GPM6A: variants seen among roughly 807,000 people sequenced by gnomAD.
The protein encoded by GPM6A is neuronal membrane glycoprotein M6-a.
A neutral mutation model predicts 32.1 loss-of-function variants in GPM6A; 7 were observed. The ratio of observed to expected loss-of-function variants is 0.22; its 90% CI spans 0.12 to 0.41. GPM6A has a LOEUF of 0.41. Among genes scored for constraint, GPM6A ranks in the 10% least tolerant of loss-of-function variants. The probability of loss-of-function intolerance (pLI) is 1.00; values close to 1 mark genes in which losing one functional copy is unlikely to be tolerated. For synonymous variants in GPM6A, 130 were observed against 123.4 expected (o/e 1.05, Z -0.35); for missense variants, 235 against 347.2 (o/e 0.68, Z 2.57).
chr4:175,895,195 C>A (rs992725537), intron 1 of GPM6A, among the ~76,000 whole-genome samples: 3 of 152,026 alleles, frequency 2.0e-5, no homozygotes, highest in African/African-American at 7.2e-5. Flanking sequence ...GAGATGCCAC[C>A]AGTGTAGCCA....
intron 1 of GPM6A, among the ~76,000 whole-genome samples, chr4:175,953,487 TTTAA>T (rs1435456136): frequency 2.6e-5 from 4 of 152,198 alleles, no homozygotes; most frequent in Non-Finnish European, 5.9e-5. Flanking sequence ...ATGGCAGGGA[TTTAA>T]TTGATATTTG....
chr4:175,692,504 T>C (rs979311236), intron 2 of GPM6A, among the ~76,000 whole-genome samples: 8 of 152,154 alleles, frequency 5.3e-5, no homozygotes, highest in African/African-American at 1.9e-4. Flanking sequence ...GTTTTTAGTA[T>C]ACCTGTTTTT....
chr4:175,866,195 C>T (rs965060007), intron 1 of GPM6A, among the ~76,000 whole-genome samples: 5 of 152,116 alleles, frequency 3.3e-5, no homozygotes, highest in African/African-American at 1.2e-4. Flanking sequence ...CCCCTTATGC[C>T]GACACATGCA....
chr4:175,950,970 G>C (rs1739788156), intron 1 of GPM6A, among the ~76,000 whole-genome samples: 1 of 152,078 alleles, frequency 6.6e-6, no homozygotes, highest in Non-Finnish European at 1.5e-5. Flanking sequence ...TATAGTATTT[G>C]TAAGACTTTT....
At chr4:175,639,969 T>C (rs561096890) in intron 6 of GPM6A, among the ~76,000 whole-genome samples, 160 bp downstream of exon 6, 1 of 150,432 alleles carries the variant, frequency 6.6e-6, no homozygotes, top group South Asian at 2.1e-4. Flanking sequence ...TTAGTCTTGT[T>C]GTTGACTTAC....
At chr4:175,682,206 G>C (rs945850886) in intron 2 of GPM6A, among the ~76,000 whole-genome samples, 1 of 152,106 alleles carries the variant, frequency 6.6e-6, no homozygotes, top group African/African-American at 2.4e-5. Context: ...GAACTTCAAA[G>C]TGATGATTTA....
At chr4:175,879,969 T>G (rs905803092) in intron 1 of GPM6A, among the ~76,000 whole-genome samples, 1 of 152,204 alleles carries the variant, frequency 6.6e-6, no homozygotes, top group Admixed American at 6.6e-5. Context: ...CCCATGCCTA[T>G]GTCCTGAGTG....
intron 1 of GPM6A, among the ~76,000 whole-genome samples, chr4:175,978,816 C>T (rs1740738796): frequency 6.6e-6 from 1 of 151,346 alleles, no homozygotes; most frequent in Non-Finnish European, 1.5e-5. Flanking sequence ...TTTAAAAGCT[C>T]TCTAAGTGAG....
At chr4:175,892,370 G>A (rs1017221097) in intron 1 of GPM6A, among the ~76,000 whole-genome samples, 2 of 151,910 alleles carry the variant, frequency 1.3e-5, no homozygotes, top group African/African-American at 2.4e-5. Flanking sequence ...GTCATTATTT[G>A]TGCTTTCTTC....
chr4:175,759,393 T>G (rs926874263), intron 1 of GPM6A, among the ~76,000 whole-genome samples: 2 of 152,184 alleles, frequency 1.3e-5, no homozygotes, highest in African/African-American at 4.8e-5. Flanking sequence ...AATAAGAGGT[T>G]AAACTGTAAA....
At chr4:175,730,542 C>T (rs922088724) in intron 1 of GPM6A, among the ~76,000 whole-genome samples, 3 of 151,838 alleles carry the variant, frequency 2.0e-5, no homozygotes, top group African/African-American at 4.8e-5. Context: ...GCGATCTCGG[C>T]TCACTGCAAG....
chr4:175,722,887 T>TAAA lies in GPM6A; in HGVS notation c.38-21123_38-21121dup, dbSNP rs33929858. ...GGCAAAACTGTCTTTACAAAGAAAT[T>TAAA]AAAAAAAAAAAATGAGCTGGGCATG... On this transcript the variant is annotated intron_variant, in intron 1 of 6. Coordinates refer to ENST00000393658, the MANE Select transcript of GPM6A (RefSeq NM_201591.3). 8.9e-3 allele frequency among the ~76,000 whole-genome samples: 1,324 copies of TAAA among 148,330 alleles called. 55 individuals are homozygous for TAAA. The highest frequency in any genetic ancestry group is 0.077 in the Admixed American group (1,143 of 14,908).
intron 1 of GPM6A, among the ~76,000 whole-genome samples, chr4:175,938,490 T>G (rs575293717): frequency 1.4e-4 from 22 of 152,294 alleles, no homozygotes; most frequent in African/African-American, 5.3e-4. Context: ...GATTTGCATT[T>G]CTCTAATGAC....
chr4:175,783,006 CAT>C (rs1224722142), intron 1 of GPM6A, among the ~76,000 whole-genome samples: 1 of 151,852 alleles, frequency 6.6e-6, no homozygotes, highest in Non-Finnish European at 1.5e-5. Context: ...GAGCAAAACT[CAT>C]AAAGTAATGC....
intron 1 of GPM6A, among the ~76,000 whole-genome samples, chr4:175,760,889 T>C (rs1732711484): frequency 6.6e-6 from 1 of 152,146 alleles, no homozygotes; most frequent in Admixed American, 6.6e-5. Context: ...AAAAAACATC[T>C]TGATGACCAC....
At chr4:175,813,520 A>G (rs1392079089), upstream of GPM6A, among the ~76,000 whole-genome samples, 1 of 152,046 alleles carries the variant, frequency 6.6e-6, no homozygotes, top group Non-Finnish European at 1.5e-5. Context: ...ACACACACAC[A>G]GGGACAGAAA....
intron 1 of GPM6A, among the ~76,000 whole-genome samples, chr4:175,938,397 C>T (rs1739305422): frequency 6.6e-6 from 1 of 152,198 alleles, no homozygotes; most frequent in Non-Finnish European, 1.5e-5. Context: ...TGTTTCTCCA[C>T]AGCCGCGCCA....
intron 6 of GPM6A, among the ~76,000 whole-genome samples, chr4:175,636,051 T>A (rs1740565262): frequency 6.6e-6 from 1 of 151,892 alleles, no homozygotes; most frequent in Admixed American, 6.6e-5. Flanking sequence ...TGTGTTCAGG[T>A]AGTCAACAAA....
At chr4:175,938,800 T>TGGCTTTATC (rs1739321365) in intron 1 of GPM6A, among the ~76,000 whole-genome samples, 1 of 151,282 alleles carries the variant, frequency 6.6e-6, no homozygotes, top group African/African-American at 2.4e-5. Context: ...CTGGCTTTAC[T>TGGCTTTATC]GGCTTTATCA....
Sources: allele counts gnomAD v4.1 joint callset (sites outside exome capture counted in the v4.1 genomes callset), GRCh38; gene constraint gnomAD v4.1.1; transcripts MANE v1.5; gene names NCBI Gene and HGNC (gene_info 2026-07-23, HGNC 2026-07-21).